The following RBM43 variants were observed in gnomAD, a reference collection of about 807,000 sequenced individuals.
RBM43 encodes RNA-binding protein 43.
A neutral mutation model predicts 12.4 loss-of-function variants in RBM43; 12 were observed. The observed-to-expected ratio is 0.97, with a 90% confidence interval of 0.62 to 1.57. The LOEUF (loss-of-function observed/expected upper bound fraction) is 1.57, where lower values mean the gene tolerates loss of function less well. Ranked by LOEUF, RBM43 falls within the 40% of genes most tolerant of loss-of-function variation. The pLI, the probability that RBM43 is intolerant of heterozygous loss-of-function variation, is 0.00. For missense variants in RBM43, 348 were observed against 400.1 expected, an observed-to-expected ratio of 0.87 and a Z score of 1.11; for synonymous variants, 138 against 145.7, an observed-to-expected ratio of 0.95 and a Z score of 0.38.
chr2:151,247,989 A>T lies in RBM43; in HGVS notation c.*2917T>A, dbSNP rs1426650944. ...AGAATTTTAGTCATGATATAGTAAA[A>T]CACGTAAATTCACCAGTTTATAAAA... On this transcript the variant is annotated 3_prime_UTR_variant, in exon 4 of 4. Coordinates refer to ENST00000331426, the MANE Select transcript of RBM43 (RefSeq NM_198557.3). 1 of 152,202 alleles carries T rather than the reference A, an allele frequency of 6.6e-6. No homozygotes were observed. Among genetic ancestry groups the T allele is most frequent in the East Asian group, 1.9e-4 (1 of 5,204 alleles). The allele number at this position is 152,202 out of a possible 1,614,324, so 9.4% of individuals were successfully genotyped here.
intron 1 of RBM43, among the ~76,000 whole-genome samples, chr2:151,259,160 A>G (rs1399481606): frequency 6.6e-6 from 1 of 151,930 alleles, no homozygotes; most frequent in Non-Finnish European, 1.5e-5. Context: ...GGAAGAAAGA[A>G]AGGAAAGAAA....
chr2:151,256,770 G>T (rs1396269152), intron 1 of RBM43, among the ~76,000 whole-genome samples: 1 of 152,168 alleles, frequency 6.6e-6, no homozygotes, highest in Non-Finnish European at 1.5e-5. Flanking sequence ...AGTGAGTCCA[G>T]ATCACACCAC....
intron 1 of RBM43, among the ~76,000 whole-genome samples, chr2:151,257,586 T>C (rs1682991694): frequency 6.6e-6 from 1 of 151,788 alleles, no homozygotes; most frequent in Non-Finnish European, 1.5e-5. Context: ...CCAGCTACTC[T>C]GGAGGCTGAG....
intron 3 of RBM43, 96 bp downstream of exon 3, chr2:151,252,659 T>C (rs1196133850): frequency 1.5e-6 from 1 of 671,444 alleles, no homozygotes; most frequent in Non-Finnish European, 2.6e-6. Context: ...CTAGAAGTCA[T>C]GGAGTGAGAG....
intron 1 of RBM43, chr2:151,261,398 T>G: frequency 4.5e-6 from 7 of 1,550,504 alleles, no homozygotes; most frequent in Non-Finnish European, 6.1e-6. Context: ...AACGGCGGCG[T>G]CCCCGTCGCC....
chr2:151,253,658 G>A (rs943067598), intron 2 of RBM43, among the ~76,000 whole-genome samples: 8 of 152,100 alleles, frequency 5.3e-5, no homozygotes, highest in South Asian at 2.1e-4. Context: ...TTTAAGAAAA[G>A]GCAGTCCAAT....
chr2:151,255,258 T>TA (rs1682956086), intron 2 of RBM43, among the ~76,000 whole-genome samples: 1 of 152,012 alleles, frequency 6.6e-6, no homozygotes, highest in African/African-American at 2.4e-5. Context: ...CTACTAAAAA[T>TA]AAAAAATTTA....
rs116071202 is a variant in RBM43, at chr2:151,251,864, C to T, written c.316-200G>A. ...TTTTGTTCAATTTGGGATTCACACTCCCTCACCACATACCCCAAAACAGAC... is the reference window on the plus strand; with the variant it reads ...TTTTGTTCAATTTGGGATTCACACTTCCTCACCACATACCCCAAAACAGAC... On this transcript the variant is annotated intron_variant, in intron 3 of 3. Coordinates refer to ENST00000331426, the MANE Select transcript of RBM43 (RefSeq NM_198557.3). Among the ~76,000 whole-genome samples the T allele has an allele frequency of 9.0e-3, 1,376 of 152,310 alleles. 17 individuals carry two copies. Among genetic ancestry groups the T allele is most frequent in the Middle Eastern group, 0.075 (22 of 294 alleles).
rs1210218385 is a variant in RBM43, at chr2:151,255,607, C to T, written c.140G>A (p.Gly47Asp). 8 of 1,613,856 alleles carry T rather than the reference C, an allele frequency of 5.0e-6. No individual in the cohort carries two copies. The highest frequency in any genetic ancestry group is 6.8e-6 in the Non-Finnish European group (8 of 1,179,948). Reference sequence around the variant, plus strand: ...ATATATCACATCTTCAACATCTCCGCCCTCATTCTTAATGTCTTGGAAGTG... The same window carrying T: ...ATATATCACATCTTCAACATCTCCGTCCTCATTCTTAATGTCTTGGAAGTG... ...KSHFQDIKNE[G>D]GDVEDVIYPT... Residue 47 changes from glycine (G) to aspartate (D), a missense_variant, in exon 2 of 4, where the codon GGC (glycine) becomes GAC (aspartate). Coordinates refer to ENST00000331426, the MANE Select transcript of RBM43 (RefSeq NM_198557.3).
intron 1 of RBM43, chr2:151,261,325 T>TC (rs1448285659): frequency 2.6e-6 from 4 of 1,550,230 alleles, no homozygotes; most frequent in African/African-American, 2.7e-5. Flanking sequence ...CCACTTTTGT[T>TC]CCCCCCGAGG....
chr2:151,257,637 G>A lies in RBM43; in HGVS notation c.4-1894C>T, dbSNP rs1443692431. Reference sequence around the variant, plus strand: ...GAACCCAGGAGGCGGAGGTTGGGGTGAGCCGAGATCGCCCCATTTCACTCC... The same window carrying A: ...GAACCCAGGAGGCGGAGGTTGGGGTAAGCCGAGATCGCCCCATTTCACTCC... On this transcript the variant is annotated intron_variant, in intron 1 of 3. Transcript: ENST00000331426. 3.3e-5 allele frequency among the ~76,000 whole-genome samples: 5 copies of A among 152,294 alleles called. No homozygotes were observed. In the East Asian group the frequency reaches 9.6e-4, roughly 29 times the overall value.
Position 151,251,045 on chromosome 2 carries a change from G to A in RBM43, c.935C>T (p.Ala312Val), listed in dbSNP as rs1682894061. The change falls in exon 4 of 4, where the codon GCA becomes GTA. Residue 312 changes from alanine to valine, a missense_variant. Coordinates refer to ENST00000331426, the MANE Select transcript of RBM43 (RefSeq NM_198557.3). ...GTATCTCGAACTTAATTGTTCACAT[G>A]CCCTTTTGATCATTCTTTTCTCTCT... ...ENREKRMIKR[A>V]CEQLSSRYLE... is the part of the protein sequence containing the mutation. 3 of 1,613,958 alleles carry A rather than the reference G, an allele frequency of 1.9e-6. No individual in the cohort carries two copies. Among genetic ancestry groups the A allele is most frequent in the Non-Finnish European group, 2.5e-6 (3 of 1,179,874 alleles).
chr2:151,252,891 C>A, intron 2 of RBM43, 36 bp from the exon 3 acceptor site: 1 of 943,046 alleles, frequency 1.1e-6, no homozygotes, highest in African/African-American at 1.7e-5. Flanking sequence ...GTGTTTATGG[C>A]ATGATACACT....
intron 1 of RBM43, among the ~76,000 whole-genome samples, chr2:151,258,608 G>C (rs980676210): frequency 1.3e-5 from 2 of 152,082 alleles, no homozygotes; most frequent in African/African-American, 4.8e-5. Flanking sequence ...GGCGGAGATA[G>C]GAGGATCGCT....
At chr2:151,257,298 G>A (rs368445483) in intron 1 of RBM43, among the ~76,000 whole-genome samples, 35 of 147,830 alleles carry the variant, frequency 2.4e-4, no homozygotes, top group African/African-American at 7.6e-4. Context: ...GTAAGAGCAC[G>A]CATGCGTGCA....
intron 1 of RBM43, among the ~76,000 whole-genome samples, chr2:151,260,371 G>T (rs563321658): frequency 3.7e-4 from 57 of 152,148 alleles, no homozygotes; most frequent in African/African-American, 1.1e-3. Flanking sequence ...GATTACAGGC[G>T]TGAGCCACCG....
chr2:151,258,796 C>A (rs1683008175), intron 1 of RBM43, among the ~76,000 whole-genome samples: 1 of 152,088 alleles, frequency 6.6e-6, no homozygotes, highest in African/African-American at 2.4e-5. Flanking sequence ...TTTGAAGGGG[C>A]CCCAGCCTAA....
intron 1 of RBM43, among the ~76,000 whole-genome samples, chr2:151,258,296 C>T (rs954696900): frequency 1.3e-5 from 2 of 151,234 alleles, no homozygotes; most frequent in Non-Finnish European, 2.9e-5. Context: ...ACCCCCAGTG[C>T]ACACAAGATT....
chr2:151,261,699 CA>C, intron 1 of RBM43, 25 bp downstream of exon 1: 2 of 1,596,142 alleles, frequency 1.3e-6, no homozygotes, highest in Admixed American at 3.5e-5. Flanking sequence ...ACCTGCACCG[CA>C]AAACCCAAAG....
Sources: gnomAD v4.1 joint callset for allele counts (sites outside exome capture counted in the v4.1 genomes callset) on GRCh38, gnomAD v4.1.1 for gene constraint, MANE v1.5 for transcripts, NCBI Gene and HGNC (gene_info 2026-07-23, HGNC 2026-07-21) for gene names.